The following SPANXN3 variants were observed in gnomAD, a reference collection of about 807,000 sequenced individuals.
The protein encoded by SPANXN3 is sperm protein associated with the nucleus on the X chromosome N3.
SPANXN3 carries 1 observed loss-of-function variant against 1.9 expected under a neutral mutation model. That is an observed-to-expected ratio of 0.54 (90% CI 0.19 to 2.54). The LOEUF (loss-of-function observed/expected upper bound fraction) is 2.54. Among genes scored for constraint, SPANXN3 ranks in the 30% most tolerant of loss-of-function variants. The pLI is 0.24. For synonymous variants in SPANXN3, 47 were observed against 40.0 expected (o/e 1.17, Z -0.66); for missense variants, 113 against 96.2 (o/e 1.17, Z -0.73).
chrX:143,512,359 C>G (rs1414735657), intron 1 of SPANXN3, among the ~76,000 whole-genome samples: 1 of 111,845 alleles, frequency 8.9e-6, no homozygotes, highest in African/African-American at 3.3e-5. Flanking sequence ...CCTCCATTTT[C>G]TTTTTTCAGT....
In SPANXN3 at chrX:143,511,878, C is replaced by T. The variant is rs150469346; in HGVS notation, c.79-2716G>A. ...GCCTAGAGTCCACCACCCCTACTGC[C>T]ATCACCACCTCGGAACCCAGGGTAA... On this transcript the variant is annotated intron_variant, in intron 1 of 1. Coordinates refer to ENST00000370503, the MANE Select transcript of SPANXN3 (RefSeq NM_001009609.4). Among the ~76,000 whole-genome samples the T allele has an allele frequency of 2.6e-3, 291 of 111,494 alleles. 2 individuals carry two copies. Among genetic ancestry groups the T allele is most frequent in the African/African-American group, 8.9e-3 (273 of 30,672 alleles).
At chrX:143,512,797 G>C (rs1308565035) in intron 1 of SPANXN3, among the ~76,000 whole-genome samples, 1 of 111,316 alleles carries the variant, frequency 9.0e-6, no homozygotes, top group African/African-American at 3.3e-5. Flanking sequence ...CCCTCATCAA[G>C]GACCTAGGTG....
chrX:143,514,360 A>T (rs782120392), intron 1 of SPANXN3, among the ~76,000 whole-genome samples: 1 of 112,426 alleles, frequency 8.9e-6, no homozygotes, highest in South Asian at 3.7e-4. Flanking sequence ...AACCATTTCC[A>T]TGCTGCTTAC....
At position 143,509,011 on chromosome X, in the gene SPANXN3, G is replaced by A. The variant is rs1929027203; in HGVS notation, c.230C>T (p.Ser77Phe). 1 of 1,210,304 alleles carries A rather than the reference G, an allele frequency of 8.3e-7. No individual in the cohort carries two copies. The highest frequency in any genetic ancestry group is 1.1e-6 in the Non-Finnish European group (1 of 895,324). ...CTCCTCCTTTTGGATTGGATTGATG[G>A]AGTTCTCTTGGGACTGTTCATTCTC... ...QLENEQSQEN[S>F]INPIQKEEDE... The change falls in exon 2 of 2, where the codon TCC becomes TTC. Residue 77 changes from serine (S) to phenylalanine (F), a missense_variant. Coordinates refer to ENST00000370503, the MANE Select transcript of SPANXN3 (RefSeq NM_001009609.4).
chrX:143,510,191 G>A (rs1284951609), intron 1 of SPANXN3: 1 of 111,086 alleles, frequency 9.0e-6, no homozygotes, highest in African/African-American at 3.3e-5. Flanking sequence ...TCAATTCGTG[G>A]GTGAGTCTCC....
intron 1 of SPANXN3, among the ~76,000 whole-genome samples, chrX:143,513,271 G>A (rs1929138038): frequency 8.9e-6 from 1 of 111,852 alleles, no homozygotes. Context: ...CCCTGGCACA[G>A]GGACTGCCCA....
chrX:143,516,929 C>A (rs1490079304), intron 1 of SPANXN3: 4 of 146,400 alleles, frequency 2.7e-5, no homozygotes, highest in Admixed American at 2.3e-4. Flanking sequence ...AAACATTCCA[C>A]GGGGGTTCGG....
rs377275387 is a variant in SPANXN3, at chrX:143,509,108, T to C, written c.133A>G (p.Lys45Glu). ...AATATTATTGGATATTCTGATGTTT[T>C]TGTGTTCTTCAAACTCTGTTCGGGG... ...LAPEQSLKNT[K>E]TSEYPIIFVY... Residue 45 changes from lysine to glutamate, a missense_variant, in exon 2 of 2, where the codon AAA (lysine) becomes GAA (glutamate). Coordinates refer to ENST00000370503, the MANE Select transcript of SPANXN3 (RefSeq NM_001009609.4). 30 of 1,211,852 alleles carry C rather than the reference T, an allele frequency of 2.5e-5. No individual in the cohort carries two copies. Among genetic ancestry groups the C allele is most frequent in the Non-Finnish European group, 3.2e-5 (29 of 895,470 alleles).
At chrX:143,513,983 C>T in intron 1 of SPANXN3, among the ~76,000 whole-genome samples, 1 of 112,083 alleles carries the variant, frequency 8.9e-6, no homozygotes, top group Middle Eastern at 4.7e-3. Flanking sequence ...CCATGTCCTA[C>T]AGTCTCATGC....
intron 1 of SPANXN3, among the ~76,000 whole-genome samples, chrX:143,513,017 C>T (rs781945253): frequency 5.4e-4 from 61 of 111,943 alleles, no homozygotes; most frequent in Non-Finnish European, 1.1e-3. Flanking sequence ...TTTGTCCTAA[C>T]CCCTAATTCT....
intron 1 of SPANXN3, 32 bp downstream of exon 1, chrX:143,517,282 C>A (rs373651647): frequency 2.8e-5 from 33 of 1,197,995 alleles, no homozygotes; most frequent in Admixed American, 4.4e-5. Context: ...TTCTTTCACC[C>A]TCACCTTCCC....
intron 1 of SPANXN3, among the ~76,000 whole-genome samples, chrX:143,513,129 G>A (rs1446120934): frequency 7.2e-5 from 8 of 111,595 alleles, no homozygotes; most frequent in Admixed American, 4.7e-4. Flanking sequence ...GTTACTTCTG[G>A]CTGTCAGTTC....
intron 1 of SPANXN3, among the ~76,000 whole-genome samples, chrX:143,514,390 A>C (rs187468835): frequency 4.5e-5 from 5 of 112,156 alleles, no homozygotes; most frequent in Non-Finnish European, 9.4e-5. Flanking sequence ...TCCAGCTTTT[A>C]GAAAATTATA....
chrX:143,512,643 C>A (rs1372406910), intron 1 of SPANXN3, among the ~76,000 whole-genome samples: 1 of 111,439 alleles, frequency 9.0e-6, no homozygotes, highest in African/African-American at 3.3e-5. Context: ...CTGAAAGATG[C>A]CTATTTCACC....
At chrX:143,513,476 G>A (rs1556412047) in intron 1 of SPANXN3, among the ~76,000 whole-genome samples, 22 of 111,832 alleles carry the variant, frequency 2.0e-4, no homozygotes, top group Non-Finnish European at 1.3e-4. Context: ...GGCCTTAGAG[G>A]CACGGAAACT....
intron 1 of SPANXN3, chrX:143,510,196 G>C (rs1374495508): frequency 9.0e-6 from 1 of 111,282 alleles, no homozygotes; most frequent in Non-Finnish European, 1.9e-5. Context: ...TCGTGGGTGA[G>C]TCTCCCTATT....
At chrX:143,514,792 G>C (rs1362548886) in intron 1 of SPANXN3, among the ~76,000 whole-genome samples, 3 of 111,492 alleles carry the variant, frequency 2.7e-5, no homozygotes, top group African/African-American at 9.8e-5. Flanking sequence ...AATTGGCTTT[G>C]CATATTCCTT....
In SPANXN3 at chrX:143,509,395, A is replaced by C. The variant is rs1929040440; in HGVS notation, c.79-233T>G. 4.5e-5 allele frequency among the ~76,000 whole-genome samples: 5 copies of C among 111,343 alleles called. No individual in the cohort carries two copies. The East Asian group carries it at 8.6e-4, about 19-fold the overall frequency. On this transcript the variant is annotated intron_variant, in intron 1 of 1. Coordinates refer to ENST00000370503, the MANE Select transcript of SPANXN3 (RefSeq NM_001009609.4). ...ATTTTGTAAGTTTTTGCTATGTTGC[A>C]GACCTTGGTCAAAGTGAAACATTCC... is the stretch of plus-strand genomic sequence containing the variant.
At chrX:143,514,688 T>A (rs1351532174) in intron 1 of SPANXN3, among the ~76,000 whole-genome samples, 7 of 111,195 alleles carry the variant, frequency 6.3e-5, no homozygotes, top group African/African-American at 2.0e-4. Flanking sequence ...ACCCATATTA[T>A]CCACCGGTTT....
Sources: gnomAD v4.1 joint callset for allele counts (sites outside exome capture counted in the v4.1 genomes callset) on GRCh38, gnomAD v4.1.1 for gene constraint, MANE v1.5 for transcripts, NCBI Gene and HGNC (gene_info 2026-07-23, HGNC 2026-07-21) for gene names.